PAFAH2: variants seen among roughly 807,000 people sequenced by gnomAD.
The protein encoded by PAFAH2 is platelet activating factor acetylhydrolase 2.
PAFAH2 carries 42 observed loss-of-function variants against 49.0 expected under a neutral mutation model. That is an observed-to-expected ratio of 0.86 (90% CI 0.67 to 1.11). The LOEUF is 1.11. Among genes scored for constraint, PAFAH2 ranks in the 50% least tolerant of loss-of-function variants. PAFAH2 has a pLI of 0.00. For missense variants in PAFAH2, 503 were observed against 501.8 expected, an observed-to-expected ratio of 1.00 and a Z score of -0.02; for synonymous variants, 184 against 181.3, an observed-to-expected ratio of 1.01 and a Z score of -0.12.
intron 10 of PAFAH2, among the ~76,000 whole-genome samples, chr1:25,965,731 T>TAG (rs2049409456): frequency 7.4e-6 from 1 of 135,394 alleles, no homozygotes; most frequent in Non-Finnish European, 1.5e-5. Flanking sequence ...GGTAGGAGAA[T>TAG]CACTTGAACC....
At chr1:25,985,323 A>G (rs1185035496) in intron 4 of PAFAH2, among the ~76,000 whole-genome samples, 2 of 152,208 alleles carry the variant, frequency 1.3e-5, no homozygotes, top group Admixed American at 6.5e-5. Flanking sequence ...ATGGTTAGGT[A>G]TTTAACTGCA....
chr1:25,965,572 T>C lies in PAFAH2; in HGVS notation c.1085-3489A>G, dbSNP rs141479063. Reference sequence around the variant, plus strand: ...GGCTCACGCCTGTAACGCCAGCACTTTGGGAGGCCAAGGCTGGTGGATCAC... The same window carrying C: ...GGCTCACGCCTGTAACGCCAGCACTCTGGGAGGCCAAGGCTGGTGGATCAC... On this transcript the variant is annotated intron_variant, in intron 10 of 10. Transcript: ENST00000374282. Among the ~76,000 whole-genome samples the C allele has an allele frequency of 7.0e-3, 1,062 of 152,042 alleles. 17 individuals are homozygous for C. Among genetic ancestry groups the C allele is most frequent in the African/African-American group, 0.023 (971 of 41,486 alleles).
chr1:25,980,429 T>G (rs898220582), intron 7 of PAFAH2, among the ~76,000 whole-genome samples: 3 of 151,644 alleles, frequency 2.0e-5, no homozygotes, highest in Non-Finnish European at 2.9e-5. Context: ...TTCAAGTGAT[T>G]CTCCTGCCTC....
intron 7 of PAFAH2, 25 bp from the exon 8 acceptor site, chr1:25,976,798 A>G: frequency 6.3e-7 from 1 of 1,588,198 alleles, no homozygotes; most frequent in Non-Finnish European, 8.6e-7. Context: ...GAACTTAGCC[A>G]AGTCAGAAAC....
chr1:25,972,785 T>C (rs1348409582), intron 9 of PAFAH2, 73 bp from the exon 10 acceptor site: 3 of 1,449,282 alleles, frequency 2.1e-6, no homozygotes, highest in Admixed American at 1.8e-5. Context: ...GCACCTACTA[T>C]GTGCAAGGTG....
intron 3 of PAFAH2, 64 bp from the exon 4 acceptor site, chr1:25,988,391 G>A: frequency 8.2e-7 from 1 of 1,222,056 alleles, no homozygotes; most frequent in Non-Finnish European, 1.2e-6. Flanking sequence ...AGGGCAGCCT[G>A]AGTATAGGTA....
intron 8 of PAFAH2, among the ~76,000 whole-genome samples, chr1:25,974,854 A>C (rs1176150993): frequency 6.6e-6 from 1 of 152,144 alleles, no homozygotes; most frequent in African/African-American, 2.4e-5. Flanking sequence ...CTAGATTTCA[A>C]ACTCTCTGAG....
chr1:25,979,463 A>G (rs10751732), intron 7 of PAFAH2, among the ~76,000 whole-genome samples: 79,451 of 151,764 alleles, frequency 0.52, 24,544 homozygotes, highest in East Asian at 0.7. Flanking sequence ...CTGGAACTAT[A>G]GGCACATGTC....
At chr1:25,980,611 T>A (rs1327647310) in intron 7 of PAFAH2, among the ~76,000 whole-genome samples, 8 of 74,206 alleles carry the variant, frequency 1.1e-4, no homozygotes, top group African/African-American at 2.5e-4. Context: ...TGGGCCATAT[T>A]TATATATATA....
rs754988391 is a variant in PAFAH2, at chr1:25,961,928, C to T, written c.*61G>A. 1.9e-5 allele frequency: 24 copies of T among 1,265,080 alleles called. No homozygotes were observed. The highest frequency in any genetic ancestry group is 2.3e-5 in the Non-Finnish European group (20 of 866,472). The allele number at this position is 1,265,080 out of a possible 1,614,324, so 78.4% of individuals were successfully genotyped here. On this transcript the variant is annotated 3_prime_UTR_variant, in exon 11 of 11. Transcript: ENST00000374282. ...ACTTCTTGATAGGAGCTCATGGGTG[C>T]CCTTGGGTAGCTCCCAAATGAAAAC...
In PAFAH2 at chr1:25,985,092, C is replaced by T. The variant is rs557774249; in HGVS notation, c.342-564G>A. 2.1e-3 allele frequency among the ~76,000 whole-genome samples: 315 copies of T among 152,074 alleles called. 1 individual carries two copies. Among genetic ancestry groups the T allele is most frequent in the South Asian group, 5.8e-3 (28 of 4,814 alleles). ...CAGGCTGGTCTCAAACTCCTGACCTCGTGATCCGCCCACCTCGGCCTCCCA... is the reference window on the plus strand; with the variant it reads ...CAGGCTGGTCTCAAACTCCTGACCTTGTGATCCGCCCACCTCGGCCTCCCA... On this transcript the variant is annotated intron_variant, in intron 4 of 10. Transcript: ENST00000374282.
At chr1:25,975,051 G>T (rs1044809321) in intron 8 of PAFAH2, among the ~76,000 whole-genome samples, 2 of 152,186 alleles carry the variant, frequency 1.3e-5, no homozygotes, top group Non-Finnish European at 2.9e-5. Context: ...CAGCAGGGAA[G>T]ACAGAATAGA....
rs1284842147 is a variant in PAFAH2 at position 25,990,737 on chromosome 1, T to C, written c.80A>G (p.Gln27Arg). ...LVGCGDVMEGQNLQGSFFRLF... is the reference protein window; with the variant it reads ...LVGCGDVMEGRNLQGSFFRLF... Reference sequence around the variant, plus strand: ...GCTGGGGACACTTACCTGGAGATTCTGACCCTCCATCACATCCCCACAGCC... The same window carrying C: ...GCTGGGGACACTTACCTGGAGATTCCGACCCTCCATCACATCCCCACAGCC... Residue 27 changes from glutamine to arginine, a missense_variant, in exon 2 of 11, where the codon CAG (glutamine) becomes CGG (arginine). By Grantham distance (43) the Gln-to-Arg change is conservative. Transcript: ENST00000374282. The C allele has an allele frequency of 1.2e-6, 2 of 1,613,494 alleles. No homozygotes were observed. The highest frequency in any genetic ancestry group is 2.2e-5 in the South Asian group (2 of 91,036).
At chr1:25,964,805 A>C (rs1190419176) in intron 10 of PAFAH2, among the ~76,000 whole-genome samples, 1 of 152,232 alleles carries the variant, frequency 6.6e-6, no homozygotes, top group Non-Finnish European at 1.5e-5. Flanking sequence ...CACTCATGGA[A>C]TGGAAGAATC....
rs930802082 is a variant in PAFAH2, at chr1:25,982,382, C to G, written c.648G>C (p.Leu216Phe). 1.2e-6 allele frequency: 2 copies of G among 1,613,798 alleles called. No homozygotes were observed. Among genetic ancestry groups the G allele is most frequent in the African/African-American group, 1.3e-5 (1 of 74,926 alleles). Residue 216 changes from leucine to phenylalanine, a missense_variant, in exon 7 of 11, where the codon TTG (leucine) becomes TTC (phenylalanine). Transcript: ENST00000374282. ...TCCATACCTTCAAAGTCATCAGATC[C>G]AAGCCACCAGGCAAGATGTTGAAGA... ...QTVFNILPGG[L>F]DLMTLKGNID...
intron 9 of PAFAH2, 92 bp downstream of exon 9, chr1:25,974,388 G>C: frequency 1.9e-6 from 2 of 1,065,158 alleles, no homozygotes; most frequent in South Asian, 1.9e-5. Context: ...CTACTAATGG[G>C]TAGAAAGTTT....
At chr1:25,990,230 C>T (rs1050023872) in intron 2 of PAFAH2, among the ~76,000 whole-genome samples, 3 of 152,064 alleles carry the variant, frequency 2.0e-5, no homozygotes, top group Non-Finnish European at 4.4e-5. Context: ...AGCAAGGCCT[C>T]GTCTCTACTA....
Position 25,982,529 on chromosome 1 carries a change from G to A in PAFAH2, c.553-52C>T, listed in dbSNP as rs76876253. ...CTGGAACACTCCACAACTGTCCAGC[G>A]AGAATCTCCCTCACGTACAGAGCCA... On this transcript the variant is annotated intron_variant, in intron 6 of 10. Coordinates refer to ENST00000374282, the MANE Select transcript of PAFAH2 (RefSeq NM_000437.4). 5.2e-3 allele frequency: 7,054 copies of A among 1,357,752 alleles called. 226 individuals are homozygous for A. In the African/African-American group the frequency reaches 0.08, roughly 15 times the overall value. The allele number at this position is 1,357,752 out of a possible 1,614,324, so 84.1% of individuals were successfully genotyped here.
rs137903813 is a variant in PAFAH2, at chr1:25,982,084, G to A, written c.666+280C>T. Among the ~76,000 whole-genome samples, 340 of 151,678 alleles carry A rather than the reference G, an allele frequency of 2.2e-3. 2 individuals are homozygous for A. The highest frequency in any genetic ancestry group is 7.6e-3 in the African/African-American group (315 of 41,316). Reference sequence around the variant, plus strand: ...TGGTGTGCAGGCTTGAACTGCTAGCGACCACCTTTCTTGCCTAAAGGAGAG... The same window carrying A: ...TGGTGTGCAGGCTTGAACTGCTAGCAACCACCTTTCTTGCCTAAAGGAGAG... On this transcript the variant is annotated intron_variant, in intron 7 of 10. Coordinates refer to ENST00000374282, the MANE Select transcript of PAFAH2 (RefSeq NM_000437.4).
Sources: gnomAD v4.1 joint callset for allele counts (sites outside exome capture counted in the v4.1 genomes callset) on GRCh38, gnomAD v4.1.1 for gene constraint, MANE v1.5 for transcripts, NCBI Gene and HGNC (gene_info 2026-07-23, HGNC 2026-07-21) for gene names.